FBXO16: variants seen among roughly 807,000 people sequenced by gnomAD.
The protein encoded by FBXO16 is F-box protein 16.
Under a neutral mutation model 41.0 loss-of-function variants are expected in FBXO16, and 31 were observed. The observed-to-expected ratio is 0.76, with a 90% CI of 0.57 to 1.02. The LOEUF is 1.02. FBXO16 is among the 50% of genes least tolerant of loss of function. FBXO16 has a pLI of 0.00. For missense variants in FBXO16, 361 were observed against 346.2 expected (o/e 1.04, Z -0.34); for synonymous variants, 133 against 117.8 (o/e 1.13, Z -0.84).
intron 2 of FBXO16, among the ~76,000 whole-genome samples, chr8:28,476,637 A>C (rs1352346711): frequency 1.3e-5 from 2 of 152,230 alleles, no homozygotes; most frequent in African/African-American, 4.8e-5. Context: ...CCTGCTGTTA[A>C]GTCAAAATCC....
chr8:28,473,333 T>C (rs1803367052), intron 3 of FBXO16, among the ~76,000 whole-genome samples: 2 of 152,186 alleles, frequency 1.3e-5, no homozygotes, highest in South Asian at 2.1e-4. Flanking sequence ...TCTGTGATAA[T>C]GCTACAGACT....
chr8:28,449,800 C>T (rs557679582), intron 6 of FBXO16, among the ~76,000 whole-genome samples: 3 of 151,824 alleles, frequency 2.0e-5, no homozygotes, highest in African/African-American at 4.8e-5. Context: ...GGTGAAACCT[C>T]GTCCCTACTA....
intron 6 of FBXO16, among the ~76,000 whole-genome samples, chr8:28,449,314 TC>T (rs1331513381): frequency 1.5e-5 from 2 of 136,216 alleles, no homozygotes; most frequent in African/African-American, 5.5e-5. Flanking sequence ...TATGTAGACT[TC>T]TTTTTTTTTT....
At chr8:28,450,022 A>G (rs559068621) in intron 6 of FBXO16, among the ~76,000 whole-genome samples, 1 of 152,196 alleles carries the variant, frequency 6.6e-6, no homozygotes, top group African/African-American at 2.4e-5. Context: ...AAACGTCCCA[A>G]AAGAAGATCA....
intron 6 of FBXO16, among the ~76,000 whole-genome samples, chr8:28,451,351 T>C (rs1242726569): frequency 1.3e-5 from 2 of 151,448 alleles, no homozygotes; most frequent in East Asian, 1.9e-4. Context: ...TTCTTTGTTT[T>C]CTTTCTCTCT....
rs1375510118 is a variant in FBXO16, at chr8:28,473,813, G to C, written c.100-6C>G. 4 of 1,592,812 alleles carry C rather than the reference G, an allele frequency of 2.5e-6. No individual in the cohort carries two copies. Among genetic ancestry groups the C allele is most frequent in the Non-Finnish European group, 3.4e-6 (4 of 1,165,738 alleles). On this transcript the variant is annotated splice_region_variant and splice_polypyrimidine_tract_variant and intron_variant, in intron 2 of 8. Coordinates refer to ENST00000380254, the MANE Select transcript of FBXO16 (RefSeq NM_172366.4). ...GCTCTTCTTTCTTCAAATACCTACAGTAAGTAAAAAAGAATATGGTAATTT... is the reference window on the plus strand; with the variant it reads ...GCTCTTCTTTCTTCAAATACCTACACTAAGTAAAAAAGAATATGGTAATTT...
chr8:28,468,706 G>A (rs1282457968), intron 3 of FBXO16, among the ~76,000 whole-genome samples: 2 of 151,942 alleles, frequency 1.3e-5, no homozygotes, highest in Admixed American at 1.3e-4. Context: ...TAAAAAGATG[G>A]GCATGTTGGC....
intron 8 of FBXO16, among the ~76,000 whole-genome samples, chr8:28,429,092 T>C (rs1317074187): frequency 6.6e-6 from 1 of 152,198 alleles, no homozygotes; most frequent in African/African-American, 2.4e-5. Flanking sequence ...CAGCTGGGGC[T>C]AGAGACTTGG....
At chr8:28,447,322 T>C in intron 6 of FBXO16, 49 bp from the exon 7 acceptor site, 1 of 1,502,158 alleles carries the variant, frequency 6.7e-7, no homozygotes. Flanking sequence ...TTTTTAAAAC[T>C]CAGGTGGTTT....
intron 4 of FBXO16, among the ~76,000 whole-genome samples, chr8:28,460,071 T>C (rs1803102306): frequency 6.6e-6 from 1 of 151,478 alleles, no homozygotes; most frequent in African/African-American, 2.4e-5. Context: ...GGTATGTGCA[T>C]ACTAATACCA....
At chr8:28,445,991 T>C (rs1437978077) in intron 7 of FBXO16, among the ~76,000 whole-genome samples, 1 of 152,112 alleles carries the variant, frequency 6.6e-6, no homozygotes, top group African/African-American at 2.4e-5. Context: ...GCCAAAGACT[T>C]GCATAATGTG....
rs1331509424 is a variant in FBXO16, at chr8:28,452,417, T to G, written c.567A>C (p.Pro189=). 1 of 1,614,208 alleles carries G rather than the reference T, an allele frequency of 6.2e-7. No homozygotes were observed. The part of the protein sequence containing the change: ...ADVQLVTSNS[P]EEKQSPLSAF... ...CTGATAAAGGGGACTGTTTTTCCTCTGGAGAATTGCTTGTAACTAGTTGAA... is the reference window on the plus strand; with the variant it reads ...CTGATAAAGGGGACTGTTTTTCCTCGGGAGAATTGCTTGTAACTAGTTGAA... Residue 189 remains proline (P), a synonymous_variant, in exon 6 of 9, where the codon CCA becomes CCC. Coordinates refer to ENST00000380254, the MANE Select transcript of FBXO16 (RefSeq NM_172366.4).
At chr8:28,451,241 T>C (rs1802947290) in intron 6 of FBXO16, among the ~76,000 whole-genome samples, 1 of 152,206 alleles carries the variant, frequency 6.6e-6, no homozygotes, top group African/African-American at 2.4e-5. Flanking sequence ...CTTAAGATAT[T>C]GTACTAGAGC....
chr8:28,447,065 T>A (rs1474150362), intron 7 of FBXO16, 106 bp downstream of exon 7: 9 of 1,037,510 alleles, frequency 8.7e-6, no homozygotes, highest in Non-Finnish European at 1.3e-5. Flanking sequence ...AAATCACCAC[T>A]CCATGATTCT....
intron 2 of FBXO16, among the ~76,000 whole-genome samples, chr8:28,474,710 A>G (rs1803396063): frequency 6.6e-6 from 1 of 152,182 alleles, no homozygotes; most frequent in Non-Finnish European, 1.5e-5. Context: ...ACTTGTTGGT[A>G]TAGGTTTATT....
At chr8:28,484,949 C>T (rs1189543918) in intron 1 of FBXO16, among the ~76,000 whole-genome samples, 2 of 152,080 alleles carry the variant, frequency 1.3e-5, no homozygotes, top group African/African-American at 4.8e-5. Context: ...GATCTCGGCT[C>T]ACCACAACCT....
At chr8:28,441,904 AT>A (rs1346829713) in intron 7 of FBXO16, among the ~76,000 whole-genome samples, 1 of 117,656 alleles carries the variant, frequency 8.5e-6, no homozygotes, top group Non-Finnish European at 1.6e-5. Flanking sequence ...CACAGTGTAT[AT>A]ATATATGTGT....
chr8:28,447,136 G>A, intron 7 of FBXO16, 35 bp downstream of exon 7: 1 of 1,547,696 alleles, frequency 6.5e-7, no homozygotes, highest in Non-Finnish European at 8.9e-7. Flanking sequence ...TTTCATTAAT[G>A]TTATGGTGAT....
intron 2 of FBXO16, among the ~76,000 whole-genome samples, chr8:28,479,232 G>C (rs1228652525): frequency 6.6e-6 from 1 of 152,086 alleles, no homozygotes; most frequent in Non-Finnish European, 1.5e-5. Context: ...GGGGTCAGTG[G>C]AGACCTCACT....
Sources: allele counts gnomAD v4.1 joint callset (sites outside exome capture counted in the v4.1 genomes callset), GRCh38; gene constraint gnomAD v4.1.1; transcripts MANE v1.5; gene names NCBI Gene and HGNC (gene_info 2026-07-23, HGNC 2026-07-21).